Variants in TTC28 observed in about 807,000 individuals in gnomAD.
The protein encoded by TTC28 is tetratricopeptide repeat protein 28.
A neutral mutation model predicts 198.0 loss-of-function variants in TTC28; 61 were observed. The ratio of observed to expected loss-of-function variants is 0.31; its 90% CI spans 0.25 to 0.38. The LOEUF is 0.38. TTC28 is among the 10% of genes least tolerant of loss of function. The pLI is 1.00. For synonymous variants in TTC28, 1,171 were observed against 1,297.8 expected, an observed-to-expected ratio of 0.90 and a Z score of 2.10; for missense variants, 2,678 against 3,164.0, an observed-to-expected ratio of 0.85 and a Z score of 3.69.
chr22:28,461,332 A>T (rs2047946976), intron 2 of TTC28, among the ~76,000 whole-genome samples: 1 of 152,196 alleles, frequency 6.6e-6, no homozygotes, highest in Non-Finnish European at 1.5e-5. Context: ...CTCTCAGTCT[A>T]GCTCTCTCTT....
At chr22:28,215,392 C>T (rs989982354) in intron 5 of TTC28, among the ~76,000 whole-genome samples, 5 of 152,158 alleles carry the variant, frequency 3.3e-5, no homozygotes, top group Admixed American at 1.3e-4. Context: ...ATCTCACACA[C>T]TATGAAAAGA....
chr22:27,994,155 C>G (rs1223499509), intron 17 of TTC28, among the ~76,000 whole-genome samples: 3 of 152,284 alleles, frequency 2.0e-5, no homozygotes, highest in Admixed American at 6.5e-5. Context: ...GGCTAAGTGG[C>G]GGCAGCTGAG....
intron 2 of TTC28, among the ~76,000 whole-genome samples, chr22:28,379,049 A>T (rs2046456362): frequency 6.6e-6 from 1 of 152,214 alleles, no homozygotes; most frequent in Non-Finnish European, 1.5e-5. Context: ...AGAGAAAGCT[A>T]AAAATGACAG....
At chr22:28,551,848 A>G (rs1487005114) in intron 2 of TTC28, among the ~76,000 whole-genome samples, 1 of 152,192 alleles carries the variant, frequency 6.6e-6, no homozygotes, top group Admixed American at 6.5e-5. Flanking sequence ...CACCACTTCT[A>G]TTCAACATAG....
At chr22:28,581,110 G>C (rs1057310098) in intron 2 of TTC28, among the ~76,000 whole-genome samples, 1 of 152,128 alleles carries the variant, frequency 6.6e-6, no homozygotes, top group Non-Finnish European at 1.5e-5. Context: ...CCTCATGCGA[G>C]GTAACTGGAT....
At chr22:28,203,382 A>G (rs1926134524) in intron 5 of TTC28, among the ~76,000 whole-genome samples, 1 of 152,170 alleles carries the variant, frequency 6.6e-6, no homozygotes, top group Non-Finnish European at 1.5e-5. Flanking sequence ...AATAGTACAC[A>G]CTCAAAAAAT....
intron 2 of TTC28, among the ~76,000 whole-genome samples, chr22:28,549,394 T>C (rs2049613155): frequency 6.6e-6 from 1 of 152,288 alleles, no homozygotes; most frequent in South Asian, 2.1e-4. Flanking sequence ...TGTATATTCA[T>C]CTTATTACAT....
At chr22:28,634,943 G>C (rs1009916395) in intron 1 of TTC28, among the ~76,000 whole-genome samples, 2 of 152,088 alleles carry the variant, frequency 1.3e-5, no homozygotes, top group African/African-American at 4.8e-5. Context: ...AAAGACCTTT[G>C]CATGTATTTC....
At position 28,523,638 on chromosome 22, in the gene TTC28, G is replaced by C. The variant is rs577530746; in HGVS notation, c.381+105914C>G. 2.0e-3 allele frequency among the ~76,000 whole-genome samples: 306 copies of C among 152,278 alleles called. 2 individuals are homozygous for C. The highest frequency in any genetic ancestry group is 6.4e-3 in the African/African-American group (265 of 41,552). The stretch of plus-strand genomic sequence containing the variant: ...CTCAAAATAGCCCAGTGAGAGAGAT[G>C]CATCATCATTTCAATTTTATAAACA... On this transcript the variant is annotated intron_variant, in intron 2 of 22. Coordinates refer to ENST00000397906, the MANE Select transcript of TTC28 (RefSeq NM_001145418.2).
chr22:28,359,254 T>A (rs1389408417), intron 2 of TTC28, among the ~76,000 whole-genome samples: 3 of 152,214 alleles, frequency 2.0e-5, no homozygotes, highest in African/African-American at 7.2e-5. Context: ...CCATTACCCC[T>A]AGTGGCTATC....
At chr22:28,284,791 A>C (rs1217747852) in intron 5 of TTC28, among the ~76,000 whole-genome samples, 2 of 152,212 alleles carry the variant, frequency 1.3e-5, no homozygotes, top group Non-Finnish European at 2.9e-5. Flanking sequence ...AAATCACAAT[A>C]AGATATCACC....
At chr22:28,080,630 G>A (rs1374500951) in intron 12 of TTC28, among the ~76,000 whole-genome samples, 1 of 152,032 alleles carries the variant, frequency 6.6e-6, no homozygotes, top group Non-Finnish European at 1.5e-5. Context: ...CCCATTCATA[G>A]GCTGCCTTTT....
chr22:28,494,472 T>C (rs926648448), intron 2 of TTC28, among the ~76,000 whole-genome samples: 9 of 152,144 alleles, frequency 5.9e-5, no homozygotes, highest in African/African-American at 1.9e-4. Context: ...AACTGCCAAC[T>C]ACCCCTCACT....
At chr22:28,389,575 G>T (rs2046678903) in intron 2 of TTC28, among the ~76,000 whole-genome samples, 1 of 149,836 alleles carries the variant, frequency 6.7e-6, no homozygotes, top group Non-Finnish European at 1.5e-5. Flanking sequence ...TCTTGGGAGG[G>T]TGTATGTGTC....
intron 13 of TTC28, among the ~76,000 whole-genome samples, chr22:28,018,846 C>G (rs1938484821): frequency 6.6e-6 from 1 of 152,206 alleles, no homozygotes; most frequent in Non-Finnish European, 1.5e-5. Flanking sequence ...TGGCAGGATA[C>G]AGCCCCTCCC....
chr22:28,141,727 C>A (rs1358117730), intron 6 of TTC28, among the ~76,000 whole-genome samples: 2 of 152,112 alleles, frequency 1.3e-5, no homozygotes, highest in African/African-American at 4.8e-5. Context: ...TAAGAATACA[C>A]AGGACTCTTT....
intron 2 of TTC28, among the ~76,000 whole-genome samples, chr22:28,467,108 C>T (rs1369967336): frequency 3.3e-5 from 5 of 152,130 alleles, no homozygotes; most frequent in East Asian, 1.9e-4. Context: ...AAATTCTAAA[C>T]GAATGCTTTC....
chr22:27,982,424 C>T lies in TTC28; in HGVS notation c.7243G>A (p.Glu2415Lys). 6.4e-7 allele frequency: 1 copy of T among 1,551,268 alleles called. No individual in the cohort carries two copies. The change falls in exon 23 of 23, where the codon GAG becomes AAG. Residue 2415 changes from glutamate (E) to lysine (K), a missense_variant. Around this residue, in one of 8 missense-constraint regions of TTC28, gnomAD observed 622 missense variants for 656.0 expected, o/e 0.95. Transcript: ENST00000397906. This position sits in a 1 kb window ranked among gnomAD's most constrained non-coding sequence, Gnocchi z 5.2. The part of the protein sequence containing the change: ...EEGVDKLELK[E>K]LSLQQHDGAP... ...CCGTCATGCTGCTGCAGGGACAGCT[C>T]CTTCAGTTCAAGCTTATCCACTCCC...
intron 2 of TTC28, among the ~76,000 whole-genome samples, chr22:28,341,191 T>C (rs2045822510): frequency 6.6e-6 from 1 of 152,190 alleles, no homozygotes; most frequent in Non-Finnish European, 1.5e-5. Context: ...TAAACAGGAA[T>C]TGTGGGCAAT....
Sources: gnomAD v4.1 joint callset for allele counts (sites outside exome capture counted in the v4.1 genomes callset) on GRCh38, gnomAD v4.1.1 for gene constraint, gnomAD v4.1.1 regional missense constraint, Gnocchi (gnomAD v3.1) non-coding constraint, MANE v1.5 for transcripts, NCBI Gene and HGNC (gene_info 2026-07-23, HGNC 2026-07-21) for gene names.